INTS3: variants seen among roughly 807,000 people sequenced by gnomAD.
The protein encoded by INTS3 is integrator complex subunit 3.
In INTS3, 34 loss-of-function variants were observed where a neutral mutation model predicts 146.3. That is an observed-to-expected ratio of 0.23 (90% CI 0.18 to 0.31). The LOEUF is 0.31. Ranked by LOEUF, INTS3 falls within the 10% of genes least tolerant of loss-of-function variation. The pLI, the probability that INTS3 is intolerant of heterozygous loss-of-function variation, is 1.00. For synonymous variants in INTS3, 475 were observed against 494.9 expected, an observed-to-expected ratio of 0.96 and a Z score of 0.53; for missense variants, 757 against 1,304.2, an observed-to-expected ratio of 0.58 and a Z score of 6.46.
chr1:153,728,741 T>G lies in INTS3; in HGVS notation c.107T>G (p.Leu36Arg), dbSNP rs1436736803. ...AGAGAPGGGR[L>R]LLSTSLDAKD... ...GCAGGAGCCCCAGGAGGGGGGAGGCTGCTACTTTCAACCAGTTTGGATGCC... is the reference window on the plus strand; with the variant it reads ...GCAGGAGCCCCAGGAGGGGGGAGGCGGCTACTTTCAACCAGTTTGGATGCC... Residue 36 changes from leucine (L) to arginine (R), a missense_variant, in exon 1 of 30, where the codon CTG (leucine) becomes CGG (arginine). Transcript: ENST00000318967. 2 of 1,608,900 alleles carry G rather than the reference T, an allele frequency of 1.2e-6. No homozygotes were observed. The highest frequency in any genetic ancestry group is 1.7e-6 in the Non-Finnish European group (2 of 1,177,654).
chr1:153,755,163 A>T (rs1256880339), intron 9 of INTS3, among the ~76,000 whole-genome samples: 1 of 152,176 alleles, frequency 6.6e-6, no homozygotes, highest in Non-Finnish European at 1.5e-5. Flanking sequence ...GACTTGACTG[A>T]ATAATGGCAG....
chr1:153,752,616 G>A (rs879227237), intron 8 of INTS3, among the ~76,000 whole-genome samples: 2 of 152,136 alleles, frequency 1.3e-5, no homozygotes, highest in South Asian at 4.1e-4. Context: ...CCCCTACTTG[G>A]CAGACTCCAG....
intron 20 of INTS3, among the ~76,000 whole-genome samples, chr1:153,766,019 C>T (rs559845501): frequency 6.6e-6 from 1 of 152,194 alleles, no homozygotes; most frequent in East Asian, 1.9e-4. Context: ...TTGGCAACCA[C>T]TGATCTGCTT....
chr1:153,734,347 T>G (rs896810524), intron 1 of INTS3, among the ~76,000 whole-genome samples: 1 of 152,220 alleles, frequency 6.6e-6, no homozygotes, highest in Non-Finnish European at 1.5e-5. Context: ...TGATTTGTAA[T>G]CAATTTTCCC....
intron 1 of INTS3, among the ~76,000 whole-genome samples, chr1:153,729,437 G>A (rs1252122537): frequency 6.6e-6 from 1 of 152,332 alleles, no homozygotes. Flanking sequence ...GCGAAGAAAT[G>A]GAATGGACCT....
chr1:153,748,790 G>C (rs1207210791), intron 6 of INTS3, 35 bp downstream of exon 6: 2 of 1,514,270 alleles, frequency 1.3e-6, no homozygotes, highest in Non-Finnish European at 1.8e-6. Context: ...GTACAGGCCA[G>C]ATAATGGCCA....
rs1483899397 is a variant in INTS3, at chr1:153,752,287, A to G, written c.738A>G (p.Glu246=). 2.5e-6 allele frequency: 4 copies of G among 1,613,346 alleles called. No homozygotes were observed. The highest frequency in any genetic ancestry group is 3.4e-6 in the Non-Finnish European group (4 of 1,179,492). ...CISLLRERFM[E]CLMIGRDLVR... is the part of the protein sequence containing the mutation. ...TCCTCTTCCCTATCAAGTTCATGGA[A>G]TGTCTGATGATTGGTCGGGATCTCG... is the stretch of plus-strand genomic sequence containing the variant. The change falls in exon 8 of 30, where the codon GAA becomes GAG. Residue 246 remains glutamate, a synonymous_variant. Transcript: ENST00000318967.
chr1:153,763,695 C>A, intron 16 of INTS3, 137 bp from the exon 17 acceptor site: 1 of 790,326 alleles, frequency 1.3e-6, no homozygotes, highest in Non-Finnish European at 2.1e-6. Flanking sequence ...GCCTCCCCAT[C>A]CAAGCTGGGA....
chr1:153,739,087 G>A (rs911828277), intron 1 of INTS3, among the ~76,000 whole-genome samples: 13 of 151,202 alleles, frequency 8.6e-5, no homozygotes, highest in African/African-American at 2.2e-4. Flanking sequence ...TTTTTGAGAC[G>A]GAGTCTCACT....
chr1:153,749,718 T>A (rs908514716), intron 6 of INTS3, among the ~76,000 whole-genome samples: 1 of 152,266 alleles, frequency 6.6e-6, no homozygotes, highest in Non-Finnish European at 1.5e-5. Context: ...TGTTCCTTTT[T>A]ACTGTCCTGG....
chr1:153,765,657 C>G (rs1202448582), intron 20 of INTS3, among the ~76,000 whole-genome samples: 1 of 151,984 alleles, frequency 6.6e-6, no homozygotes, highest in Non-Finnish European at 1.5e-5. Context: ...GCAACTTCCA[C>G]CTCCCGGGTT....
intron 20 of INTS3, among the ~76,000 whole-genome samples, chr1:153,765,819 C>G (rs1672558711): frequency 1.3e-5 from 2 of 152,218 alleles, no homozygotes; most frequent in South Asian, 2.1e-4. Context: ...ATCCACCCAC[C>G]TTGGCCTCCC....
rs1304750878 is a variant in INTS3 at position 153,741,375 on chromosome 1, C to G, written c.318+7C>G. 1.2e-6 allele frequency: 2 copies of G among 1,602,478 alleles called. No individual in the cohort carries two copies. Among genetic ancestry groups the G allele is most frequent in the Non-Finnish European group, 8.6e-7 (1 of 1,169,424 alleles). On this transcript the variant is annotated splice_region_variant and intron_variant, in intron 3 of 29. Transcript: ENST00000318967. The stretch of plus-strand genomic sequence containing the variant: ...ACCTGCCCAAGCCCAGAAGGTAAGG[C>G]ACCCTGCTCTGGACCCATAAACCCT...
At chr1:153,758,125 C>T (rs1201114752) in intron 10 of INTS3, among the ~76,000 whole-genome samples, 1 of 152,212 alleles carries the variant, frequency 6.6e-6, no homozygotes, top group Non-Finnish European at 1.5e-5. Context: ...CCCTCACCAC[C>T]ATGCCTTTTT....
intron 5 of INTS3, chr1:153,748,438 C>G (rs1002876084): frequency 1.9e-6 from 1 of 528,206 alleles, no homozygotes; most frequent in East Asian, 3.3e-5. Flanking sequence ...TGTTCCCACT[C>G]CAACTCACAA....
chr1:153,747,666 G>A, intron 5 of INTS3: 1 of 416,152 alleles, frequency 2.4e-6, no homozygotes, highest in Admixed American at 3.7e-5. Context: ...TTCAGAGCAG[G>A]AAGAAATGGG....
intron 23 of INTS3, 78 bp from the exon 24 acceptor site, chr1:153,770,120 G>T (rs370469572): frequency 2.4e-6 from 1 of 415,894 alleles, no homozygotes; most frequent in East Asian, 4.9e-5. Flanking sequence ...GTCAGTGGAT[G>T]GGGGGGTGGG....
chr1:153,772,198 C>G lies in INTS3; in HGVS notation c.2721-142C>G. ...CCCTGTTCTAGGCACACCTTTCTCA[C>G]CCAACCCCAGCCCTCCCAGGCTGCC... On this transcript the variant is annotated intron_variant, in intron 26 of 29. Transcript: ENST00000318967. The surrounding 1 kb of genome is among the most constrained non-coding windows in gnomAD (Gnocchi z 4.6). The G allele has an allele frequency of 4.8e-6, 5 of 1,048,216 alleles. No homozygotes were observed. Among genetic ancestry groups the G allele is most frequent in the Non-Finnish European group, 6.9e-6 (5 of 719,738 alleles). 64.9% of individuals were successfully genotyped at this position (1,048,216 alleles called of 1,614,324 possible).
intron 8 of INTS3, among the ~76,000 whole-genome samples, chr1:153,753,069 A>ACT (rs1049014564): frequency 3.3e-5 from 5 of 151,126 alleles, no homozygotes; most frequent in African/African-American, 7.3e-5. Context: ...ACACACACAC[A>ACT]CTCACTCTGA....
Sources: allele counts gnomAD v4.1 joint callset (sites outside exome capture counted in the v4.1 genomes callset), GRCh38; gene constraint gnomAD v4.1.1; non-coding constraint Gnocchi (gnomAD v3.1); transcripts MANE v1.5; gene names NCBI Gene and HGNC (gene_info 2026-07-23, HGNC 2026-07-21).